The following KLHL1 variants were observed in gnomAD, a reference collection of about 807,000 sequenced individuals.
KLHL1 encodes the protein kelch-like protein 1.
Under a neutral mutation model 77.7 loss-of-function variants are expected in KLHL1, and 47 were observed. The ratio of observed to expected loss-of-function variants is 0.60; its 90% CI spans 0.48 to 0.77. The LOEUF (loss-of-function observed/expected upper bound fraction) is 0.77. KLHL1 is among the 30% of genes least tolerant of loss of function. KLHL1 has a pLI of 0.00. For synonymous variants in KLHL1, 360 were observed against 325.2 expected (o/e 1.11, Z -1.15); for missense variants, 925 against 910.8 (o/e 1.02, Z -0.20).
At chr13:70,091,713 C>G (rs923563821) in intron 1 of KLHL1, among the ~76,000 whole-genome samples, 1 of 152,060 alleles carries the variant, frequency 6.6e-6, no homozygotes, top group African/African-American at 2.4e-5. Context: ...GTCTTTTGGA[C>G]CACCAGTTCC....
chr13:69,799,710 G>T (rs990299471), intron 6 of KLHL1, among the ~76,000 whole-genome samples: 1 of 152,156 alleles, frequency 6.6e-6, no homozygotes, highest in Admixed American at 6.5e-5. Context: ...AAATCAAAAT[G>T]CTGCCATGGC....
intron 9 of KLHL1, among the ~76,000 whole-genome samples, chr13:69,714,322 A>T (rs7317932): frequency 3.5e-4 from 53 of 152,244 alleles, no homozygotes; most frequent in Middle Eastern, 3.4e-3. Flanking sequence ...AGAAAACAAG[A>T]AAAAGCTAAA....
intron 7 of KLHL1, among the ~76,000 whole-genome samples, chr13:69,743,714 A>G (rs1874079801): frequency 6.6e-6 from 1 of 151,544 alleles, no homozygotes; most frequent in African/African-American, 2.4e-5. Flanking sequence ...TCAACCTGGG[A>G]GGCAGAGGTT....
chr13:70,100,474 A>G (rs1047169273), intron 1 of KLHL1, among the ~76,000 whole-genome samples: 2 of 152,080 alleles, frequency 1.3e-5, no homozygotes, highest in African/African-American at 4.8e-5. Context: ...ATTTTTACAG[A>G]TATGACAAAC....
At chr13:70,070,506 C>A (rs1887113731) in intron 1 of KLHL1, among the ~76,000 whole-genome samples, 1 of 151,688 alleles carries the variant, frequency 6.6e-6, no homozygotes, top group East Asian at 1.9e-4. Context: ...AGAATTCCAT[C>A]CCTAGAGAAA....
chr13:69,748,586 A>G (rs1412937992), intron 7 of KLHL1, among the ~76,000 whole-genome samples: 1 of 152,002 alleles, frequency 6.6e-6, no homozygotes, highest in Non-Finnish European at 1.5e-5. Context: ...GTGGGGTCAC[A>G]GAGCCAGACC....
At chr13:70,073,211 T>C (rs1271828198) in intron 1 of KLHL1, among the ~76,000 whole-genome samples, 3 of 152,096 alleles carry the variant, frequency 2.0e-5, no homozygotes, top group Non-Finnish European at 2.9e-5. Flanking sequence ...ATATACACCA[T>C]AGAATACTAT....
intron 5 of KLHL1, among the ~76,000 whole-genome samples, chr13:69,839,951 C>T (rs1879176889): frequency 6.6e-6 from 1 of 151,746 alleles, no homozygotes; most frequent in Admixed American, 6.6e-5. Flanking sequence ...TTTAATGGAT[C>T]CTGTTTCACT....
At chr13:69,788,907 AT>A (rs1876709072) in intron 7 of KLHL1, among the ~76,000 whole-genome samples, 1 of 152,134 alleles carries the variant, frequency 6.6e-6, no homozygotes, top group Non-Finnish European at 1.5e-5. Context: ...TATTCTAATG[AT>A]ATTACAATGG....
At chr13:69,780,719 T>C (rs1407177645) in intron 7 of KLHL1, among the ~76,000 whole-genome samples, 11 of 59,652 alleles carry the variant, frequency 1.8e-4, no homozygotes, top group Admixed American at 3.0e-4. Context: ...TATATATGTA[T>C]ATATATATAT....
chr13:69,893,239 T>C (rs1881493757), intron 4 of KLHL1, among the ~76,000 whole-genome samples: 1 of 150,630 alleles, frequency 6.6e-6, no homozygotes, highest in South Asian at 2.1e-4. Context: ...TTTTTTTTTT[T>C]TTTTTTGAGA....
At chr13:69,933,357 A>C (rs1466292026) in intron 4 of KLHL1, among the ~76,000 whole-genome samples, 1 of 152,144 alleles carries the variant, frequency 6.6e-6, no homozygotes, top group African/African-American at 2.4e-5. Context: ...ATGACTTATA[A>C]AACAAGAATA....
chr13:69,868,722 T>C (rs919988759), intron 5 of KLHL1, among the ~76,000 whole-genome samples: 7 of 152,176 alleles, frequency 4.6e-5, no homozygotes, highest in Non-Finnish European at 1.0e-4. Flanking sequence ...AAGATAATTT[T>C]TTTTTTGTTT....
Position 70,107,395 on chromosome 13 carries a change from C to T in KLHL1, c.305G>A (p.Arg102Lys). 6.2e-7 allele frequency: 1 copy of T among 1,613,826 alleles called. No individual in the cohort carries two copies. The highest frequency in any genetic ancestry group is 1.7e-4 in the Middle Eastern group (1 of 6,060). The part of the protein sequence containing the change: ...LNGTLLPVAT[R>K]LQQGAPGQGT... ...CTGCCCAGGAGCCCCTTGCTGCAGC[C>T]TCGTGGCAACTGGAAGCAGGGTGCC... Residue 102 changes from arginine to lysine, a missense_variant, in exon 1 of 11, where the codon AGG becomes AAG. By Grantham distance (26) the Arg-to-Lys change is conservative. Transcript: ENST00000377844.
chr13:70,057,235 A>G (rs1189694141), intron 1 of KLHL1, among the ~76,000 whole-genome samples: 3 of 152,114 alleles, frequency 2.0e-5, no homozygotes, highest in African/African-American at 4.8e-5. Flanking sequence ...TGAACCATGA[A>G]GGAATCCAAA....
intron 1 of KLHL1, among the ~76,000 whole-genome samples, chr13:70,060,886 A>G (rs1886864196): frequency 6.6e-6 from 1 of 151,912 alleles, no homozygotes; most frequent in Admixed American, 6.6e-5. Context: ...ACAATAGAGT[A>G]CCCTTCAGCT....
chr13:69,801,063 C>A (rs535698737), intron 6 of KLHL1, among the ~76,000 whole-genome samples: 5 of 152,106 alleles, frequency 3.3e-5, no homozygotes, highest in African/African-American at 1.2e-4. Context: ...GTGATGACTA[C>A]CTAAAGCCCT....
At chr13:70,084,461 C>CCTTTTTTTT (rs1887471271) in intron 1 of KLHL1, among the ~76,000 whole-genome samples, 3 of 115,128 alleles carry the variant, frequency 2.6e-5, no homozygotes, top group African/African-American at 1.1e-4. Flanking sequence ...ATTTCTTCTT[C>CCTTTTTTTT]TTCTTTTTTT....
intron 4 of KLHL1, among the ~76,000 whole-genome samples, chr13:69,931,949 A>G (rs1883015898): frequency 6.6e-6 from 1 of 151,856 alleles, no homozygotes; most frequent in Admixed American, 6.6e-5. Context: ...TAATAAAATT[A>G]GGCACAAAAA....
Sources: allele counts gnomAD v4.1 joint callset (sites outside exome capture counted in the v4.1 genomes callset), GRCh38; gene constraint gnomAD v4.1.1; transcripts MANE v1.5; gene names NCBI Gene and HGNC (gene_info 2026-07-23, HGNC 2026-07-21).